DNAJB1: variants seen among roughly 807,000 people sequenced by gnomAD.
DNAJB1 encodes the protein dnaJ homolog subfamily B member 1.
DNAJB1 carries 14 observed loss-of-function variants against 24.0 expected under a neutral mutation model. The ratio of observed to expected loss-of-function variants is 0.58; its 90% CI spans 0.39 to 0.91. The LOEUF (loss-of-function observed/expected upper bound fraction) is 0.91, where lower values mean the gene tolerates loss of function less well. DNAJB1 is among the 40% of genes least tolerant of loss of function. DNAJB1 has a pLI of 0.00. For synonymous variants in DNAJB1, 262 were observed against 174.4 expected (o/e 1.50, Z -3.96); for missense variants, 517 against 458.1 (o/e 1.13, Z -1.17).
rs556868786 is a variant in DNAJB1 at position 14,516,227 on chromosome 19, G to A, written c.793-57C>T. 57 of 1,588,070 alleles carry A rather than the reference G, an allele frequency of 3.6e-5. No homozygotes were observed. In the African/African-American group the frequency reaches 6.8e-4, roughly 19 times the overall value. ...AGCTGGCTCAAGAGGCTCAGCTCTT[G>A]CCCAGAGGCCGTCTGCCATAGATAA... On this transcript the variant is annotated intron_variant, in intron 2 of 2. Transcript: ENST00000254322.
chr19:14,549,780 T>TA (rs1163271532), intron 1 of DNAJB1, among the ~76,000 whole-genome samples: 1 of 151,800 alleles, frequency 6.6e-6, no homozygotes, highest in Non-Finnish European at 1.5e-5. Flanking sequence ...CCATCTCTAC[T>TA]AAAAATACAA....
chr19:14,516,659 T>G lies in DNAJB1; in HGVS notation c.599A>C (p.Glu200Ala). Residue 200 changes from glutamate (E) to alanine (A), a missense_variant, in exon 2 of 3, where the codon GAA (glutamate) becomes GCA (alanine). Transcript: ENST00000254322. ...LNPDGKSIRN[E>A]DKILTIEVKK... ...CACTTCGATGGTCAATATTTTGTCT[T>G]CGTTTCGAATGCTCTTTCCGTCGGG... is the stretch of plus-strand genomic sequence containing the variant. The G allele has an allele frequency of 6.2e-7, 1 of 1,614,234 alleles. No homozygotes were observed. The highest frequency in any genetic ancestry group is 8.5e-7 in the Non-Finnish European group (1 of 1,180,030).
At position 14,515,709 on chromosome 19, in the gene DNAJB1, T is replaced by G. The variant is rs1247794400; in HGVS notation, c.*231A>C. On this transcript the variant is annotated 3_prime_UTR_variant, in exon 3 of 3. Transcript: ENST00000254322. ...GGCTGCCAGACCCAGTGGGGCAGAC[T>G]GGAATGCCTTTTCCTGCTGTTCCCA... 1 of 491,532 alleles carries G rather than the reference T, an allele frequency of 2.0e-6. No individual in the cohort carries two copies. The highest frequency in any genetic ancestry group is 4.1e-5 in the Admixed American group (1 of 24,126). 30.4% of individuals were successfully genotyped at this position (491,532 alleles called of 1,614,324 possible).
Position 14,517,131 on chromosome 19 carries a change from G to T in DNAJB1, c.212-85C>A, listed in dbSNP as rs1410962700. On this transcript the variant is annotated intron_variant, in intron 1 of 2. Transcript: ENST00000254322. ...CCTTACAGGGGGAAACAGCTTGGAA[G>T]CCATGGGGGAGGAACTTTTTTGTCT... 2.2e-5 allele frequency: 32 copies of T among 1,428,860 alleles called. No homozygotes were observed. The East Asian group carries it at 6.7e-4, about 30-fold the overall frequency. The allele number at this position is 1,428,860 out of a possible 1,614,324, so 88.5% of individuals were successfully genotyped here. A position where few individuals can be genotyped will look rare whatever the true frequency, so the allele number is the denominator to read the frequency against.
At chr19:14,544,984 C>T (rs1457759529) in intron 1 of DNAJB1, 8 of 414,414 alleles carry the variant, frequency 1.9e-5, no homozygotes, top group Non-Finnish European at 3.9e-5. Context: ...CTGCGGTGTC[C>T]TTTTCACTCC....
intron 1 of DNAJB1, among the ~76,000 whole-genome samples, chr19:14,546,940 C>T (rs1051556755): frequency 1.3e-5 from 2 of 152,182 alleles, no homozygotes; most frequent in Non-Finnish European, 2.9e-5. Flanking sequence ...TCTGATCTGC[C>T]CGCCTTGGCC....
intron 1 of DNAJB1, among the ~76,000 whole-genome samples, chr19:14,535,584 ATATATGTATG>A (rs2072867687): frequency 2.6e-5 from 1 of 38,594 alleles, no homozygotes; most frequent in African/African-American, 9.4e-5. Context: ...ATATATATAT[ATATATGTATG>A]TATATATAAA....
At chr19:14,543,440 TTTTTTTTTTTTTTTTTG>T (rs1226742336) in intron 1 of DNAJB1, among the ~76,000 whole-genome samples, 6 of 50,494 alleles carry the variant, frequency 1.2e-4, no homozygotes, top group Admixed American at 2.2e-4. Flanking sequence ...TTTTTTTTTT[TTTTTTTTTTTTTTTTTG>T]AGACGGAGTC....
At chr19:14,541,095 G>A (rs1215672008) in intron 1 of DNAJB1, among the ~76,000 whole-genome samples, 2 of 152,128 alleles carry the variant, frequency 1.3e-5, no homozygotes, top group Non-Finnish European at 2.9e-5. Flanking sequence ...CGAAGTGCTG[G>A]GATTACAGGT....
exon 1 of DNAJB1, chr19:14,529,257 G>C: frequency 3.2e-6 from 1 of 314,152 alleles, no homozygotes; most frequent in South Asian, 2.9e-5. Flanking sequence ...ATGCTGCCTT[G>C]CCTGTCACTC....
upstream of DNAJB1, among the ~76,000 whole-genome samples, chr19:14,519,035 C>T (rs2072332087): frequency 6.6e-6 from 1 of 152,168 alleles, no homozygotes; most frequent in Non-Finnish European, 1.5e-5. Flanking sequence ...GAGTTGGAGA[C>T]CAGCCTAGGC....
At chr19:14,529,242 T>C (rs2072515899) in exon 1 of DNAJB1, 2 of 291,616 alleles carry the variant, frequency 6.9e-6, no homozygotes, top group South Asian at 6.3e-5. Flanking sequence ...CCGCCTGTCA[T>C]GTGGATGCTG....
chr19:14,538,536 C>CT (rs5827232), intron 1 of DNAJB1, among the ~76,000 whole-genome samples: 48 of 136,766 alleles, frequency 3.5e-4, no homozygotes, highest in Admixed American at 1.8e-3. Context: ...TCTTTTTTTT[C>CT]TTTTTTTTTT....
upstream of DNAJB1, among the ~76,000 whole-genome samples, chr19:14,551,341 C>T (rs1275545077): frequency 6.6e-6 from 1 of 152,148 alleles, no homozygotes; most frequent in Non-Finnish European, 1.5e-5. Flanking sequence ...TCCCAGAGTA[C>T]TGGGATTACA....
upstream of DNAJB1, among the ~76,000 whole-genome samples, chr19:14,552,148 T>A (rs1407284221): frequency 7.4e-6 from 1 of 135,974 alleles, no homozygotes; most frequent in Non-Finnish European, 1.5e-5. Context: ...CTTTTTCTTT[T>A]CTTTCTTTCT....
chr19:14,559,768 C>T (rs1260846994), intron 1 of DNAJB1, among the ~76,000 whole-genome samples: 3 of 145,904 alleles, frequency 2.1e-5, no homozygotes, highest in South Asian at 4.3e-4. Flanking sequence ...ACCTGGGCGA[C>T]AGAGTGAGAC....
At chr19:14,542,369 T>TTTTTTTTTTTG in intron 1 of DNAJB1, among the ~76,000 whole-genome samples, 1 of 132,212 alleles carries the variant, frequency 7.6e-6, no homozygotes, top group Non-Finnish European at 1.6e-5. Context: ...TTTTTTTTTT[T>TTTTTTTTTTTG]TTTTTTTCTG....
At chr19:14,546,860 T>C (rs1042296112) in intron 1 of DNAJB1, among the ~76,000 whole-genome samples, 1 of 152,130 alleles carries the variant, frequency 6.6e-6, no homozygotes, top group African/African-American at 2.4e-5. Flanking sequence ...CAGCTAACTT[T>C]AGTATTTTTA....
In DNAJB1 at chr19:14,516,136, A is replaced by G. The variant is rs2072256184; in HGVS notation, c.827T>C (p.Leu276Pro). The G allele has an allele frequency of 6.2e-7, 1 of 1,613,464 alleles. No individual in the cohort carries two copies. The highest frequency in any genetic ancestry group is 8.5e-7 in the Non-Finnish European group (1 of 1,179,892). The change falls in exon 3 of 3, where the codon CTG (leucine) becomes CCG (proline). Residue 276 changes from leucine to proline, a missense_variant. Transcript: ENST00000254322. ...TACGACGGGTATCGTCCTGCCGTCC[A>G]GAGTGGGGACGTTCACTGTGCAGCC... ...LCGCTVNVPTLDGRTIPVVFK... is the reference protein window; with the variant it reads ...LCGCTVNVPTPDGRTIPVVFK...
Sources: gnomAD v4.1 joint callset for allele counts (sites outside exome capture counted in the v4.1 genomes callset) on GRCh38, gnomAD v4.1.1 for gene constraint, MANE v1.5 for transcripts, NCBI Gene and HGNC (gene_info 2026-07-23, HGNC 2026-07-21) for gene names.